The following SLC35F1 variants were observed in gnomAD, a reference collection of about 807,000 sequenced individuals.
SLC35F1 encodes the protein solute carrier family 35 member F1.
SLC35F1 carries 14 observed loss-of-function variants against 48.7 expected under a neutral mutation model. The observed-to-expected ratio is 0.29, with a 90% CI of 0.19 to 0.45. SLC35F1 has a LOEUF of 0.45. Ranked by LOEUF, SLC35F1 falls within the 20% of genes least tolerant of loss-of-function variation. The pLI, the probability that SLC35F1 is intolerant of heterozygous loss-of-function variation, is 1.00. For synonymous variants in SLC35F1, 190 were observed against 202.2 expected (o/e 0.94, Z 0.51); for missense variants, 404 against 500.0 (o/e 0.81, Z 1.83).
chr6:118,125,884 G>A (rs1456757913), intron 1 of SLC35F1, among the ~76,000 whole-genome samples: 1 of 152,208 alleles, frequency 6.6e-6, no homozygotes, highest in African/African-American at 2.4e-5. Context: ...AGGTTTCAGT[G>A]GCCTGGAGCA....
At chr6:117,923,961 A>G (rs1582565365) in intron 1 of SLC35F1, among the ~76,000 whole-genome samples, 1 of 150,944 alleles carries the variant, frequency 6.6e-6, no homozygotes. Context: ...ATATATACAT[A>G]TATAGGGAAT....
chr6:118,280,409 A>G (rs1010593207), intron 6 of SLC35F1, among the ~76,000 whole-genome samples: 1 of 152,168 alleles, frequency 6.6e-6, no homozygotes, highest in Non-Finnish European at 1.5e-5. Context: ...GTCAGTGAGC[A>G]CAGGCTTGTG....
At chr6:118,024,628 T>C (rs1777439905) in intron 1 of SLC35F1, among the ~76,000 whole-genome samples, 1 of 152,192 alleles carries the variant, frequency 6.6e-6, no homozygotes, top group Non-Finnish European at 1.5e-5. Context: ...TAAATTTATA[T>C]AGTTTTCAAT....
chr6:118,102,400 T>A (rs1773271129), intron 1 of SLC35F1, among the ~76,000 whole-genome samples: 1 of 152,130 alleles, frequency 6.6e-6, no homozygotes. Flanking sequence ...CCCAACCTGA[T>A]CTTGAACTTC....
At chr6:118,266,916 A>G in intron 3 of SLC35F1, 79 bp from the exon 4 acceptor site, 3 of 1,523,008 alleles carry the variant, frequency 2.0e-6, no homozygotes, top group Non-Finnish European at 2.7e-6. Context: ...TTTCTGCAGA[A>G]CTAAATTACT....
At chr6:118,297,765 A>AAT (rs1342138757) in intron 7 of SLC35F1, among the ~76,000 whole-genome samples, 8 of 142,206 alleles carry the variant, frequency 5.6e-5, no homozygotes, top group Admixed American at 1.4e-4. Flanking sequence ...ATATATATAT[A>AAT]ATATATATAT....
intron 3 of SLC35F1, among the ~76,000 whole-genome samples, chr6:118,237,952 T>C (rs866284243): frequency 4.6e-5 from 7 of 152,226 alleles, no homozygotes; most frequent in African/African-American, 1.7e-4. Flanking sequence ...GTTCTCTTTA[T>C]GTATATCAAC....
At chr6:117,999,237 G>C (rs1777048452) in intron 1 of SLC35F1, 1 of 1,596,388 alleles carries the variant, frequency 6.3e-7, no homozygotes, top group African/African-American at 1.3e-5. Flanking sequence ...ATCCCAAAGG[G>C]AGTCAGCTGC....
intron 6 of SLC35F1, among the ~76,000 whole-genome samples, chr6:118,281,004 A>G (rs1333291307): frequency 6.6e-6 from 1 of 151,988 alleles, no homozygotes; most frequent in African/African-American, 2.4e-5. Context: ...CCTAATGCAT[A>G]TGTTCTGAGA....
chr6:118,157,953 G>A (rs1451486171), intron 2 of SLC35F1, among the ~76,000 whole-genome samples: 1 of 152,196 alleles, frequency 6.6e-6, no homozygotes, highest in Non-Finnish European at 1.5e-5. Flanking sequence ...ACGATTTAGG[G>A]AGAGGGTTGG....
chr6:118,208,382 A>T (rs1413711006), intron 2 of SLC35F1, among the ~76,000 whole-genome samples: 1 of 152,256 alleles, frequency 6.6e-6, no homozygotes, highest in Non-Finnish European at 1.5e-5. Context: ...AACCTATCAC[A>T]GAGTGTGAGC....
chr6:118,127,317 C>G (rs1773641867), intron 1 of SLC35F1, among the ~76,000 whole-genome samples: 1 of 152,122 alleles, frequency 6.6e-6, no homozygotes, highest in African/African-American at 2.4e-5. Flanking sequence ...AGCCTTGCAT[C>G]CCAGGGATGA....
At chr6:118,299,823 C>A (rs374222125) in intron 7 of SLC35F1, among the ~76,000 whole-genome samples, 13 of 152,146 alleles carry the variant, frequency 8.5e-5, no homozygotes, top group African/African-American at 1.2e-4. Context: ...ACAGACCCCA[C>A]GAATTCTATA....
intron 1 of SLC35F1, among the ~76,000 whole-genome samples, chr6:118,024,909 T>C (rs1301382319): frequency 6.6e-6 from 1 of 151,506 alleles, no homozygotes; most frequent in Non-Finnish European, 1.5e-5. Flanking sequence ...ATGATAACTT[T>C]TTAACATTTG....
At chr6:118,035,886 G>T (rs1270623626) in intron 1 of SLC35F1, among the ~76,000 whole-genome samples, 1 of 151,482 alleles carries the variant, frequency 6.6e-6, no homozygotes, top group Non-Finnish European at 1.5e-5. Context: ...TAGAGACAGT[G>T]TTTCACCATG....
chr6:118,013,931 A>G (rs1777285840), intron 1 of SLC35F1, among the ~76,000 whole-genome samples: 1 of 152,226 alleles, frequency 6.6e-6, no homozygotes, highest in Non-Finnish European at 1.5e-5. Flanking sequence ...TACACCTAAT[A>G]CAGTGTTGGG....
At chr6:117,923,652 T>TAC (rs1775945562) in intron 1 of SLC35F1, among the ~76,000 whole-genome samples, 1 of 46,138 alleles carries the variant, frequency 2.2e-5, no homozygotes, top group Admixed American at 2.6e-4. Flanking sequence ...TGTACATATG[T>TAC]ACATATGTAT....
At position 118,014,067 on chromosome 6, in the gene SLC35F1, G is replaced by A. The variant is rs570296947; in HGVS notation, c.173+106168G>A. On this transcript the variant is annotated intron_variant, in intron 1 of 7. Coordinates refer to ENST00000360388, the MANE Select transcript of SLC35F1 (RefSeq NM_001029858.4). ...CAGCTTTTGCATCAGACTTGCATTC[G>A]AATCAGTGTTTATTAGCTAAGTTAT... is the stretch of plus-strand genomic sequence containing the variant. Among the ~76,000 whole-genome samples, 14 of 152,270 alleles carry A rather than the reference G, an allele frequency of 9.2e-5. No individual in the cohort carries two copies. The South Asian group carries it at 2.9e-3, about 32-fold the overall frequency.
At chr6:118,094,852 C>T (rs1361958920) in intron 1 of SLC35F1, among the ~76,000 whole-genome samples, 1 of 152,028 alleles carries the variant, frequency 6.6e-6, no homozygotes, top group African/African-American at 2.4e-5. Flanking sequence ...CCTGTAATCC[C>T]AGCTACTTGG....
Sources: allele counts gnomAD v4.1 joint callset (sites outside exome capture counted in the v4.1 genomes callset), GRCh38; gene constraint gnomAD v4.1.1; transcripts MANE v1.5; gene names NCBI Gene and HGNC (gene_info 2026-07-23, HGNC 2026-07-21).